Variants in TPTE observed in about 807,000 individuals in gnomAD.
The protein encoded by TPTE is transmembrane phosphatase with tensin homology, also known as putative tyrosine-protein phosphatase TPTE.
In TPTE, 59 loss-of-function variants were observed where a neutral mutation model predicts 84.1. The observed-to-expected ratio is 0.70, with a 90% confidence interval of 0.57 to 0.87. The LOEUF (loss-of-function observed/expected upper bound fraction) is 0.87, where lower values mean the gene tolerates loss of function less well. Among genes scored for constraint, TPTE ranks in the 40% least tolerant of loss-of-function variants. The pLI is 0.00. For synonymous variants in TPTE, 130 were observed against 223.5 expected (o/e 0.58, Z 3.73); for missense variants, 382 against 659.6 (o/e 0.58, Z 4.61).
intron 3 of TPTE, among the ~76,000 whole-genome samples, chr21:10,528,358 G>C (rs1212970348): frequency 1.3e-5 from 2 of 152,306 alleles, no homozygotes; most frequent in Non-Finnish European, 2.9e-5. Flanking sequence ...ATTCAGGTTT[G>C]TGAAATTCAG....
At chr21:10,558,806 AC>A (rs891944807) in intron 8 of TPTE, among the ~76,000 whole-genome samples, 3 of 152,220 alleles carry the variant, frequency 2.0e-5, no homozygotes, top group Non-Finnish European at 4.4e-5. Context: ...CTTCAGTAGG[AC>A]AAAAAAAATT....
intron 19 of TPTE, among the ~76,000 whole-genome samples, chr21:10,595,469 T>C (rs555689328): frequency 2.0e-5 from 3 of 152,418 alleles, no homozygotes; most frequent in Admixed American, 6.5e-5. Context: ...ATTTCAGGGC[T>C]TCCTTGGGAA....
intron 4 of TPTE, 41 bp from the exon 5 acceptor site, chr21:10,541,071 A>G (rs1478340216): frequency 6.2e-7 from 1 of 1,611,560 alleles, no homozygotes; most frequent in Non-Finnish European, 8.5e-7. Flanking sequence ...AAACATTAGA[A>G]TTACGCATTG....
At chr21:10,527,019 A>G (rs2074091011) in intron 2 of TPTE, among the ~76,000 whole-genome samples, 1 of 152,312 alleles carries the variant, frequency 6.6e-6, no homozygotes, top group African/African-American at 2.4e-5. Flanking sequence ...TGTTTTAAAC[A>G]TAATTAAGGC....
At chr21:10,550,903 C>G in intron 7 of TPTE, among the ~76,000 whole-genome samples, 1 of 152,310 alleles carries the variant, frequency 6.6e-6, no homozygotes. Context: ...TATCAGGTAT[C>G]TTATCTTACC....
At chr21:10,583,240 C>T (rs2075301819) in intron 17 of TPTE, among the ~76,000 whole-genome samples, 1 of 152,312 alleles carries the variant, frequency 6.6e-6, no homozygotes, top group Non-Finnish European at 1.5e-5. Flanking sequence ...TTCCCCAATA[C>T]TTGCAATTCT....
intron 3 of TPTE, among the ~76,000 whole-genome samples, chr21:10,531,429 T>C (rs2074176758): frequency 1.3e-5 from 2 of 152,310 alleles, no homozygotes; most frequent in Admixed American, 1.3e-4. Flanking sequence ...CCACCATAAA[T>C]GGGAGCAGCC....
chr21:10,542,191 TC>T (rs1344319601), intron 5 of TPTE, among the ~76,000 whole-genome samples: 4 of 152,304 alleles, frequency 2.6e-5, no homozygotes, highest in African/African-American at 4.8e-5. Flanking sequence ...ATTACTATTT[TC>T]CCCCGCCTAA....
At position 10,603,633 on chromosome 21, in the gene TPTE, GTATGAA is replaced by G. The variant is rs1370874275; in HGVS notation, c.1520+5_1520+10del. 6.2e-7 allele frequency: 1 copy of G among 1,611,268 alleles called. No individual in the cohort carries two copies. The highest frequency in any genetic ancestry group is 1.3e-5 in the African/African-American group (1 of 74,896). On this transcript the variant is annotated splice_donor_variant and splice_donor_5th_base_variant and intron_variant, in intron 23 of 23. Transcript: ENST00000618007. LOFTEE classifies it high-confidence loss of function. ...ACACATCTTTTATTGAAAATAACAG[GTATGAA>G]TATAATAGAAACCCATAGAAACAGC...
intron 17 of TPTE, among the ~76,000 whole-genome samples, chr21:10,581,303 C>T (rs2075267087): frequency 6.6e-6 from 1 of 152,308 alleles, no homozygotes; most frequent in African/African-American, 2.4e-5. Context: ...CATTGTCCAA[C>T]CTAAAATGTT....
intron 20 of TPTE, among the ~76,000 whole-genome samples, chr21:10,597,412 C>CTTTTTTTTTTTTTT (rs146272836): frequency 7.1e-6 from 1 of 139,900 alleles, no homozygotes. Context: ...TTTCTTTTTT[C>CTTTTTTTTTTTTTT]TTTTTTTTTT....
intron 18 of TPTE, among the ~76,000 whole-genome samples, chr21:10,591,016 C>T (rs542323644): frequency 1.2e-4 from 18 of 152,382 alleles, no homozygotes; most frequent in Middle Eastern, 3.4e-3. Context: ...CTTCCTTCCT[C>T]GTGAGAATAG....
intron 14 of TPTE, among the ~76,000 whole-genome samples, chr21:10,572,004 C>CAA (rs59120761): frequency 1.2e-3 from 170 of 145,712 alleles, no homozygotes; most frequent in African/African-American, 4.0e-3. Context: ...TACCCTGTCT[C>CAA]AAAAAAAAAA....
At chr21:10,529,306 A>G (rs1453067137) in intron 3 of TPTE, among the ~76,000 whole-genome samples, 29 of 152,424 alleles carry the variant, frequency 1.9e-4, no homozygotes, top group African/African-American at 6.5e-4. Flanking sequence ...AATGCCAAAA[A>G]TGTTTAAAAG....
intron 17 of TPTE, among the ~76,000 whole-genome samples, chr21:10,585,960 C>G (rs1280975907): frequency 6.6e-6 from 1 of 152,302 alleles, no homozygotes; most frequent in Non-Finnish European, 1.5e-5. Flanking sequence ...GGTGCCTTCT[C>G]CCCTTTTTTC....
intron 10 of TPTE, among the ~76,000 whole-genome samples, chr21:10,562,468 G>T (rs1307288001): frequency 1.3e-5 from 2 of 152,274 alleles, no homozygotes; most frequent in African/African-American, 2.4e-5. Flanking sequence ...TTCAGACAAA[G>T]AAATCAAAAT....
intron 1 of TPTE, among the ~76,000 whole-genome samples, chr21:10,522,486 C>G (rs1202894076): frequency 2.0e-5 from 3 of 152,308 alleles, no homozygotes; most frequent in South Asian, 2.1e-4. Context: ...GGGTCCCCAG[C>G]GATGCCCCGG....
intron 7 of TPTE, among the ~76,000 whole-genome samples, chr21:10,546,732 C>T (rs1033738978): frequency 1.4e-4 from 21 of 152,294 alleles, no homozygotes; most frequent in Non-Finnish European, 2.4e-4. Flanking sequence ...TAAGCCAAAG[C>T]GTAATCCAGG....
chr21:10,551,124 G>A (rs1052319063), intron 7 of TPTE, among the ~76,000 whole-genome samples: 3 of 152,310 alleles, frequency 2.0e-5, no homozygotes, highest in Non-Finnish European at 4.4e-5. Context: ...TATGTTTTTA[G>A]CTTCATCCGT....
Sources: gnomAD v4.1 joint callset for allele counts (sites outside exome capture counted in the v4.1 genomes callset) on GRCh38, gnomAD v4.1.1 for gene constraint, MANE v1.5 for transcripts, NCBI Gene and HGNC (gene_info 2026-07-23, HGNC 2026-07-21) for gene names.